Variants in SNCAIP observed in about 807,000 individuals in gnomAD.
The protein encoded by SNCAIP is synphilin-1.
SNCAIP carries 43 observed loss-of-function variants against 86.7 expected under a neutral mutation model. That is an observed-to-expected ratio of 0.50 (90% CI 0.39 to 0.64). The LOEUF (loss-of-function observed/expected upper bound fraction) is 0.64, where lower values mean the gene tolerates loss of function less well. Among genes scored for constraint, SNCAIP ranks in the 30% least tolerant of loss-of-function variants. SNCAIP has a pLI of 0.00. For synonymous variants in SNCAIP, 417 were observed against 427.2 expected (o/e 0.98, Z 0.29); for missense variants, 981 against 1,103.1 (o/e 0.89, Z 1.57).
In SNCAIP at chr5:122,384,420, C is replaced by T. The variant is rs187778761; in HGVS notation, c.-46-6669C>T. Among the ~76,000 whole-genome samples, 12 of 152,228 alleles carry T rather than the reference C, an allele frequency of 7.9e-5. No homozygotes were observed. The East Asian group carries it at 2.1e-3, about 27-fold the overall frequency. On this transcript the variant is annotated intron_variant, in intron 1 of 10. Coordinates refer to ENST00000261368, the MANE Select transcript of SNCAIP (RefSeq NM_005460.4). ...AAAAAATGACACAGAGGCAGTGTTGCTTTACCTTGTCATTTTGGCAAGTTG... is the reference window on the plus strand; with the variant it reads ...AAAAAATGACACAGAGGCAGTGTTGTTTTACCTTGTCATTTTGGCAAGTTG...
intron 1 of SNCAIP, among the ~76,000 whole-genome samples, chr5:122,359,392 C>A: frequency 2.4e-5 from 1 of 41,316 alleles, no homozygotes; most frequent in East Asian, 8.5e-4. Flanking sequence ...GAGACAGAGT[C>A]TTGCTCTGTC....
intron 3 of SNCAIP, among the ~76,000 whole-genome samples, chr5:122,420,163 C>G (rs776573419): frequency 1.3e-5 from 2 of 152,162 alleles, no homozygotes; most frequent in African/African-American, 4.8e-5. Context: ...AGAGGGACAA[C>G]AAGCCAAAAT....
At chr5:122,353,662 C>G (rs1322566125) in intron 1 of SNCAIP, among the ~76,000 whole-genome samples, 1 of 152,096 alleles carries the variant, frequency 6.6e-6, no homozygotes, top group African/African-American at 2.4e-5. Flanking sequence ...AGAGGATTTC[C>G]CCTGCACAAG....
chr5:122,440,552 G>A (rs1188150586), intron 6 of SNCAIP, 77 bp from the exon 7 acceptor site: 4 of 1,367,756 alleles, frequency 2.9e-6, no homozygotes, highest in Non-Finnish European at 4.2e-6. Context: ...ACAAATTAGG[G>A]TATTGTTTTC....
chr5:122,354,599 C>A (rs930971369), intron 1 of SNCAIP, among the ~76,000 whole-genome samples: 1 of 152,122 alleles, frequency 6.6e-6, no homozygotes, highest in Non-Finnish European at 1.5e-5. Context: ...GTTGCCCTGA[C>A]TGAAATGATT....
At chr5:122,380,213 T>G (rs1345683882) in intron 1 of SNCAIP, among the ~76,000 whole-genome samples, 2 of 152,224 alleles carry the variant, frequency 1.3e-5, no homozygotes, top group Admixed American at 6.5e-5. Context: ...TGCCACAATT[T>G]CAGCTCCTGT....
At chr5:122,426,419 C>T (rs953017826) in intron 5 of SNCAIP, among the ~76,000 whole-genome samples, 1 of 152,086 alleles carries the variant, frequency 6.6e-6, no homozygotes, top group Non-Finnish European at 1.5e-5. Flanking sequence ...CACTAAAGAA[C>T]GTTACATTTA....
intron 1 of SNCAIP, among the ~76,000 whole-genome samples, chr5:122,357,259 A>T (rs1580646633): frequency 6.6e-6 from 1 of 152,110 alleles, no homozygotes; most frequent in African/African-American, 2.4e-5. Flanking sequence ...ATTTCAAGAC[A>T]GAGTCTTGCT....
chr5:122,408,534 T>C (rs896282967), intron 3 of SNCAIP, among the ~76,000 whole-genome samples: 1 of 152,202 alleles, frequency 6.6e-6, no homozygotes, highest in Non-Finnish European at 1.5e-5. Flanking sequence ...TTTCTTTAGC[T>C]AGAAGCTTTG....
intron 1 of SNCAIP, among the ~76,000 whole-genome samples, chr5:122,332,292 A>G (rs1755523962): frequency 6.6e-6 from 1 of 152,206 alleles, no homozygotes. Context: ...TTTTACAAAA[A>G]TTTTTATAAA....
intron 1 of SNCAIP, among the ~76,000 whole-genome samples, chr5:122,335,207 G>C (rs576608068): frequency 6.6e-6 from 1 of 152,254 alleles, no homozygotes; most frequent in East Asian, 1.9e-4. Context: ...AGGAAAAACA[G>C]TTTTATAGAG....
chr5:122,333,344 C>T (rs1580843679), intron 1 of SNCAIP, among the ~76,000 whole-genome samples: 1 of 152,164 alleles, frequency 6.6e-6, no homozygotes. Flanking sequence ...CACATTATTA[C>T]GGAACCTATT....
At chr5:122,403,743 CT>C (rs1772344177) in intron 2 of SNCAIP, 49 bp from the exon 3 acceptor site, 2 of 1,422,400 alleles carry the variant, frequency 1.4e-6, no homozygotes, top group Non-Finnish European at 2.0e-6. Flanking sequence ...TGAGTGAATG[CT>C]CGCATTTTAA....
chr5:122,462,093 T>A (rs1342652714), intron 10 of SNCAIP, among the ~76,000 whole-genome samples: 2 of 152,234 alleles, frequency 1.3e-5, no homozygotes, highest in Non-Finnish European at 2.9e-5. Context: ...TTGCTTTTTT[T>A]TATCTGACAC....
chr5:122,340,577 C>T (rs937983255), intron 1 of SNCAIP, among the ~76,000 whole-genome samples: 3 of 152,140 alleles, frequency 2.0e-5, no homozygotes, highest in South Asian at 2.1e-4. Flanking sequence ...AGTGTCAATA[C>T]CTTGAAGCAA....
intron 1 of SNCAIP, chr5:122,383,370 A>C (rs921918923): frequency 6.5e-6 from 1 of 153,012 alleles, no homozygotes; most frequent in Admixed American, 6.5e-5. Context: ...GCGCTTCCCA[A>C]GTGAGGCAAT....
chr5:122,394,018 T>C (rs933994946), intron 2 of SNCAIP, among the ~76,000 whole-genome samples: 1 of 151,944 alleles, frequency 6.6e-6, no homozygotes, highest in Non-Finnish European at 1.5e-5. Context: ...AATGAAAAAA[T>C]GAAGATGTGT....
At chr5:122,410,572 C>T (rs7356559) in intron 3 of SNCAIP, among the ~76,000 whole-genome samples, 5,834 of 152,204 alleles carry the variant, frequency 0.038, 366 homozygotes, top group African/African-American at 0.13. Flanking sequence ...CCTGTAATCC[C>T]GGCACTTTGG....
chr5:122,426,965 T>C lies in SNCAIP; in HGVS notation c.1182+1434T>C, dbSNP rs561370061. 7.2e-5 allele frequency among the ~76,000 whole-genome samples: 11 copies of C among 152,294 alleles called. No individual in the cohort carries two copies. In the South Asian group the frequency reaches 1.2e-3, roughly 17 times the overall value. On this transcript the variant is annotated intron_variant, in intron 5 of 10. Transcript: ENST00000261368. The stretch of plus-strand genomic sequence containing the variant: ...GCTAGTGGATAAGACTGGTAAGTTA[T>C]CAGTAACACAAGTATAGGATGGCAA...
Sources: gnomAD v4.1 joint callset for allele counts (sites outside exome capture counted in the v4.1 genomes callset) on GRCh38, gnomAD v4.1.1 for gene constraint, MANE v1.5 for transcripts, NCBI Gene and HGNC (gene_info 2026-07-23, HGNC 2026-07-21) for gene names.